FCHO1: variants seen among roughly 807,000 people sequenced by gnomAD.
FCHO1 encodes the protein F-BAR domain only protein 1.
Under a neutral mutation model 114.4 loss-of-function variants are expected in FCHO1, and 45 were observed. The observed-to-expected ratio is 0.39, with a 90% CI of 0.31 to 0.50. The LOEUF is 0.50. Among genes scored for constraint, FCHO1 ranks in the 20% least tolerant of loss-of-function variants. The pLI, the probability that FCHO1 is intolerant of heterozygous loss-of-function variation, is 0.77. For missense variants in FCHO1, 1,042 were observed against 1,209.6 expected, an observed-to-expected ratio of 0.86 and a Z score of 2.06; for synonymous variants, 480 against 488.9, an observed-to-expected ratio of 0.98 and a Z score of 0.24.
intron 26 of FCHO1, 100 bp from the exon 27 acceptor site, chr19:17,786,474 G>A (rs1898159101): frequency 8.3e-7 from 1 of 1,202,708 alleles, no homozygotes; most frequent in South Asian, 1.3e-5. Flanking sequence ...TGGGGGAGAA[G>A]GTTTGTTGGG....
chr19:17,749,841 G>A (rs896820547), upstream of FCHO1, among the ~76,000 whole-genome samples: 1 of 152,156 alleles, frequency 6.6e-6, no homozygotes, highest in African/African-American at 2.4e-5. Flanking sequence ...CCAAGTGACT[G>A]GTCCGTGGGA....
intron 20 of FCHO1, 58 bp from the exon 21 acceptor site, chr19:17,781,173 G>A: frequency 7.8e-7 from 1 of 1,279,766 alleles, no homozygotes; most frequent in Non-Finnish European, 1.1e-6. Flanking sequence ...GTGCCCCTGG[G>A]GAGGCCCCAG....
Position 17,773,396 on chromosome 19 carries a change from C to T in FCHO1, c.790+655C>T, listed in dbSNP as rs959818815. 2.0e-5 allele frequency among the ~76,000 whole-genome samples: 3 copies of T among 152,224 alleles called. No homozygotes were observed. In the South Asian group the frequency reaches 6.2e-4, roughly 31 times the overall value. On this transcript the variant is annotated intron_variant, in intron 11 of 28. Coordinates refer to ENST00000596536, the MANE Select transcript of FCHO1 (RefSeq NM_015122.3). ...CTCACTAAATGCTGGTATACAGTTA[C>T]GTCCTCAAGTCTTGTTAACTAGCAA...
At position 17,781,782 on chromosome 19, in the gene FCHO1, A is replaced by G. The variant is rs2042298; in HGVS notation, c.1899A>G (p.Thr633=). Residue 633 remains threonine (T), a synonymous_variant, in exon 23 of 29, where the codon ACA becomes ACG. Coordinates refer to ENST00000596536, the MANE Select transcript of FCHO1 (RefSeq NM_015122.3). ...CCCTGCCCATAGCCACAGCCTTCAC[A>G]GAGTATGTCCACGCCTACTTCCGTG... ...QDALPIATAF[T]EYVHAYFRGH... is the part of the protein sequence containing the mutation. 1,489,647 of 1,610,402 alleles carry G rather than the reference A, an allele frequency of 0.93. 690,568 individuals are homozygous for G. The highest frequency in any genetic ancestry group is 0.94 in the Non-Finnish European group (1,106,298 of 1,178,270).
chr19:17,751,304 C>A (rs2081894932), upstream of FCHO1, among the ~76,000 whole-genome samples: 2 of 152,204 alleles, frequency 1.3e-5, no homozygotes, highest in African/African-American at 4.8e-5. This position sits in a 1 kb window ranked among gnomAD's most constrained non-coding sequence, Gnocchi z 4.4. Flanking sequence ...TCGGTAAGAA[C>A]AGCTCCAGGT....
intron 4 of FCHO1, 137 bp from the exon 5 acceptor site, chr19:17,762,625 G>GC: frequency 1.4e-6 from 1 of 738,460 alleles, no homozygotes; most frequent in Non-Finnish European, 2.5e-6. Flanking sequence ...GGGAAATGCA[G>GC]CAAGCTGATT....
intron 9 of FCHO1, among the ~76,000 whole-genome samples, chr19:17,771,927 C>T (rs560058960): frequency 2.0e-5 from 3 of 152,130 alleles, no homozygotes; most frequent in South Asian, 4.2e-4. Context: ...ATTCTCCTGC[C>T]TCAGCCTCCC....
chr19:17,767,022 C>T (rs1019886505), intron 7 of FCHO1, among the ~76,000 whole-genome samples: 9 of 152,192 alleles, frequency 5.9e-5, no homozygotes, highest in African/African-American at 2.2e-4. Context: ...ACACTGTGGC[C>T]CACGGGCCAA....
At chr19:17,758,224 A>AG (rs1466746743) in intron 4 of FCHO1, among the ~76,000 whole-genome samples, 2 of 152,036 alleles carry the variant, frequency 1.3e-5, no homozygotes, top group East Asian at 1.9e-4. Context: ...CAAAAAAAAA[A>AG]AAGAGAAAAC....
intron 6 of FCHO1, among the ~76,000 whole-genome samples, chr19:17,765,066 GAAA>G (rs574969255): frequency 3.3e-5 from 3 of 90,506 alleles, no homozygotes; most frequent in Non-Finnish European, 2.3e-5. Context: ...ACTCTGTTTT[GAAA>G]AAAAAAAAAA....
intron 1 of FCHO1, among the ~76,000 whole-genome samples, chr19:17,753,214 G>A (rs1682672871): frequency 6.6e-6 from 1 of 152,222 alleles, no homozygotes. Flanking sequence ...GAAATTTAGG[G>A]CTTTTCCCCT....
chr19:17,787,179 G>A (rs1022450289), intron 27 of FCHO1, among the ~76,000 whole-genome samples: 7 of 134,378 alleles, frequency 5.2e-5, no homozygotes, highest in African/African-American at 1.7e-4. Context: ...AGCCGAGATC[G>A]TGCCACTGCA....
rs142606261 is a variant in FCHO1, at chr19:17,785,935, G to A, written c.2427-639G>A. ...TTGAGCCCAGGAGTTGAGGCTTCAA[G>A]GAGTTACCCTGGGTGACAACTGTCT... On this transcript the variant is annotated intron_variant, in intron 26 of 28. Coordinates refer to ENST00000596536, the MANE Select transcript of FCHO1 (RefSeq NM_015122.3). 8.0e-3 allele frequency among the ~76,000 whole-genome samples: 1,213 copies of A among 151,830 alleles called. 16 individuals are homozygous for A. The highest frequency in any genetic ancestry group is 0.028 in the African/African-American group (1,161 of 41,392).
intron 7 of FCHO1, 84 bp downstream of exon 7, chr19:17,766,894 T>C (rs1023403624): frequency 4.2e-6 from 6 of 1,421,608 alleles, no homozygotes; most frequent in Non-Finnish European, 4.8e-6. Flanking sequence ...TGGGGCTTTA[T>C]AACCTGCGGA....
At chr19:17,778,344 CCGTGTAGGGGTGGG>C (rs2092911620) in intron 19 of FCHO1, 116 bp downstream of exon 19, 1 of 931,452 alleles carries the variant, frequency 1.1e-6, no homozygotes, top group Admixed American at 1.9e-5. Context: ...GAGGACTAGT[CCGTGTAGGGGTGGG>C]CGGGGCCAGA....
At position 17,761,969 on chromosome 19, in the gene FCHO1, T is replaced by TTTCATTCATTCATTCA. The variant is rs111716506; in HGVS notation, c.28-778_28-763dup. Among the ~76,000 whole-genome samples the TTTCATTCATTCATTCA allele has an allele frequency of 5.5e-3, 818 of 148,234 alleles. 4 individuals are homozygous for TTTCATTCATTCATTCA. Among genetic ancestry groups the TTTCATTCATTCATTCA allele is most frequent in the African/African-American group, 6.4e-3 (256 of 39,958 alleles). ...CCACTCCAATTTATTTTTATTTTTA[T>TTTCATTCATTCATTCA]TTCATTCATTCATTCATTCATTCAT... is the stretch of plus-strand genomic sequence containing the variant. On this transcript the variant is annotated intron_variant, in intron 4 of 28. Coordinates refer to ENST00000596536, the MANE Select transcript of FCHO1 (RefSeq NM_015122.3).
At chr19:17,760,166 C>T (rs1260200458) in intron 4 of FCHO1, among the ~76,000 whole-genome samples, 1 of 152,124 alleles carries the variant, frequency 6.6e-6, no homozygotes, top group African/African-American at 2.4e-5. Context: ...ATTCTCCTGC[C>T]TCAGCCTCCG....
chr19:17,780,041 C>G (rs1013809951), intron 20 of FCHO1, among the ~76,000 whole-genome samples: 3 of 151,806 alleles, frequency 2.0e-5, no homozygotes, highest in African/African-American at 7.3e-5. Flanking sequence ...TGTGACCACC[C>G]GAGGTCCCCA....
At chr19:17,783,847 C>A (rs562969902) in intron 24 of FCHO1, among the ~76,000 whole-genome samples, 5 of 152,168 alleles carry the variant, frequency 3.3e-5, no homozygotes, top group Admixed American at 1.3e-4. Flanking sequence ...TCCCAAAGTG[C>A]TGGGATTACA....
Sources: gnomAD v4.1 joint callset for allele counts (sites outside exome capture counted in the v4.1 genomes callset) on GRCh38, gnomAD v4.1.1 for gene constraint, Gnocchi (gnomAD v3.1) non-coding constraint, MANE v1.5 for transcripts, NCBI Gene and HGNC (gene_info 2026-07-23, HGNC 2026-07-21) for gene names.